The following SCHIP1 variants were observed in gnomAD, a reference collection of about 807,000 sequenced individuals.
SCHIP1 encodes schwannomin interacting protein 1, also known as schwannomin-interacting protein 1.
SCHIP1 carries 8 observed loss-of-function variants against 29.7 expected under a neutral mutation model. The observed-to-expected ratio is 0.27, with a 90% CI of 0.16 to 0.49. The LOEUF is 0.49. Ranked by LOEUF, SCHIP1 falls within the 20% of genes least tolerant of loss-of-function variation. The probability of loss-of-function intolerance (pLI) is 0.99; values close to 1 mark genes in which losing one functional copy is unlikely to be tolerated. For synonymous variants in SCHIP1, 76 were observed against 94.9 expected (o/e 0.80, Z 1.16); for missense variants, 193 against 294.6 (o/e 0.66, Z 2.52).
chr3:159,799,758 G>A, the SCHIP1 span, among the ~76,000 whole-genome samples: 1 of 152,250 alleles, frequency 6.6e-6, no homozygotes. Context: ...CCTAGGACAG[G>A]AGGGATGGGT....
At chr3:159,772,088 C>T in the SCHIP1 span, among the ~76,000 whole-genome samples, 2 of 152,166 alleles carry the variant, frequency 1.3e-5, no homozygotes, top group Non-Finnish European at 2.9e-5. Flanking sequence ...AGAAATCTTA[C>T]ACCTGACAAA....
At chr3:159,494,192 A>G in the SCHIP1 span, among the ~76,000 whole-genome samples, 1 of 152,090 alleles carries the variant, frequency 6.6e-6, no homozygotes, top group Non-Finnish European at 1.5e-5. Flanking sequence ...AATTAAAAGA[A>G]CTAGAGAAGC....
At chr3:159,865,339 T>C (rs976565435) in intron 1 of SCHIP1, among the ~76,000 whole-genome samples, 1 of 152,224 alleles carries the variant, frequency 6.6e-6, no homozygotes, top group South Asian at 2.1e-4. Flanking sequence ...CCCTGTTGTT[T>C]AAAGGGTTTA....
chr3:159,553,052 C>T, the SCHIP1 span, among the ~76,000 whole-genome samples: 29 of 152,040 alleles, frequency 1.9e-4, no homozygotes, highest in Admixed American at 1.4e-3. Flanking sequence ...AACTGAAAGA[C>T]GGTGCATGGC....
chr3:159,847,748 C>A (rs1024743203), intron 1 of SCHIP1, among the ~76,000 whole-genome samples: 5 of 152,252 alleles, frequency 3.3e-5, no homozygotes, highest in Non-Finnish European at 5.9e-5. Context: ...GCCACCTCCC[C>A]ACCCCACACT....
rs552105217 is a variant in SCHIP1 at position 159,861,650 on chromosome 3, T to A, written c.31-4513T>A. On this transcript the variant is annotated intron_variant, in intron 1 of 6. Transcript: ENST00000445224. This position sits in a 1 kb window ranked among gnomAD's most constrained non-coding sequence, Gnocchi z 4.1. ...GTTTCTAATCACATTTTTACTTTCATCTGGGGCTTGAATAGCTTTTCTGCC... is the reference window on the plus strand; with the variant it reads ...GTTTCTAATCACATTTTTACTTTCAACTGGGGCTTGAATAGCTTTTCTGCC... Among the ~76,000 whole-genome samples the A allele has an allele frequency of 5.3e-5, 8 of 152,350 alleles. No individual in the cohort carries two copies. Among genetic ancestry groups the A allele is most frequent in the African/African-American group, 1.7e-4 (7 of 41,580 alleles).
chr3:159,473,333 C>G, the SCHIP1 span, among the ~76,000 whole-genome samples: 1 of 152,064 alleles, frequency 6.6e-6, no homozygotes, highest in Non-Finnish European at 1.5e-5. Flanking sequence ...AGCATTGACT[C>G]TGTTACTTTG....
chr3:159,454,655 C>G, the SCHIP1 span, among the ~76,000 whole-genome samples: 4 of 152,128 alleles, frequency 2.6e-5, no homozygotes, highest in African/African-American at 9.7e-5. Flanking sequence ...CAGAAGACAG[C>G]CTTTATTCTG....
chr3:159,612,436 G>C, the SCHIP1 span, among the ~76,000 whole-genome samples: 6 of 152,162 alleles, frequency 3.9e-5, no homozygotes, highest in African/African-American at 1.4e-4. Context: ...GCATAATTCT[G>C]ACTGAAATAT....
chr3:159,505,991 G>T, the SCHIP1 span, among the ~76,000 whole-genome samples: 4 of 152,160 alleles, frequency 2.6e-5, no homozygotes, highest in Non-Finnish European at 4.4e-5. Flanking sequence ...ACCCAGTAAT[G>T]GGATGGCTGG....
chr3:159,841,779 G>A lies in SCHIP1; in HGVS notation c.30+1565G>A, dbSNP rs375401322. ...TACATGAGCTGCAATATATAACAGTGTCATTATGTGTTTAATAGTTTTGAA... is the reference window on the plus strand; with the variant it reads ...TACATGAGCTGCAATATATAACAGTATCATTATGTGTTTAATAGTTTTGAA... On this transcript the variant is annotated intron_variant, in intron 1 of 6. Coordinates refer to ENST00000445224, the Ensembl canonical transcript of SCHIP1. Among the ~76,000 whole-genome samples, 6 of 152,232 alleles carry A rather than the reference G, an allele frequency of 3.9e-5. No individual in the cohort carries two copies. The South Asian group carries it at 6.2e-4, about 16-fold the overall frequency.
chr3:159,499,230 A>C, the SCHIP1 span, among the ~76,000 whole-genome samples: 19,161 of 152,192 alleles, frequency 0.13, 1,215 homozygotes, highest in South Asian at 0.14. Context: ...GCAGTCTGTA[A>C]GTTTTTGACA....
At chr3:159,404,857 A>G in the SCHIP1 span, among the ~76,000 whole-genome samples, 457 of 152,306 alleles carry the variant, frequency 3.0e-3, 1 homozygote, top group Admixed American at 5.2e-3. Context: ...CTGGCTTCAG[A>G]TCTTACCAAA....
chr3:159,641,990 T>C, the SCHIP1 span, among the ~76,000 whole-genome samples: 2 of 152,142 alleles, frequency 1.3e-5, no homozygotes, highest in Non-Finnish European at 2.9e-5. Flanking sequence ...GCAGTGCAGC[T>C]GAGGGAAAAT....
chr3:159,570,560 G>A, the SCHIP1 span, among the ~76,000 whole-genome samples: 1 of 152,154 alleles, frequency 6.6e-6, no homozygotes, highest in Admixed American at 6.5e-5. Flanking sequence ...TTGTAGTATA[G>A]TTTGAAGTCA....
the SCHIP1 span, among the ~76,000 whole-genome samples, chr3:159,423,629 G>GTGCACAGACAA: frequency 6.6e-6 from 1 of 152,132 alleles, no homozygotes; most frequent in African/African-American, 2.4e-5. Flanking sequence ...TCTGGGGGCA[G>GTGCACAGACAA]CGCACAGACA....
the SCHIP1 span, among the ~76,000 whole-genome samples, chr3:159,574,002 C>A: frequency 1.3e-5 from 2 of 152,184 alleles, no homozygotes; most frequent in South Asian, 4.1e-4. Context: ...TTCTAGTTAG[C>A]CATTCATCTA....
At chr3:159,495,712 C>T in the SCHIP1 span, among the ~76,000 whole-genome samples, 2 of 152,180 alleles carry the variant, frequency 1.3e-5, no homozygotes, top group Non-Finnish European at 2.9e-5. Context: ...AATGCCATCC[C>T]TATCAAGCTA....
chr3:159,300,220 G>A, the SCHIP1 span, among the ~76,000 whole-genome samples: 2 of 144,038 alleles, frequency 1.4e-5, no homozygotes, highest in African/African-American at 5.2e-5. Flanking sequence ...CTAAATCCTG[G>A]ACTCAAGGAA....
Sources: gnomAD v4.1 joint callset for allele counts (sites outside exome capture counted in the v4.1 genomes callset) on GRCh38, gnomAD v4.1.1 for gene constraint, Gnocchi (gnomAD v3.1) non-coding constraint, MANE v1.5 for transcripts, NCBI Gene and HGNC (gene_info 2026-07-23, HGNC 2026-07-21) for gene names.